GLIS3: variants seen among roughly 807,000 people sequenced by gnomAD.
GLIS3 encodes the protein GLIS family zinc finger 3, also known as zinc finger protein GLIS3.
Under a neutral mutation model 78.6 loss-of-function variants are expected in GLIS3, and 53 were observed. The ratio of observed to expected loss-of-function variants is 0.67; its 90% CI spans 0.54 to 0.85. The LOEUF is 0.85. Among genes scored for constraint, GLIS3 ranks in the 40% least tolerant of loss-of-function variants. The pLI, the probability that GLIS3 is intolerant of heterozygous loss-of-function variation, is 0.00. For missense variants in GLIS3, 1,703 were observed against 1,231.1 expected, an observed-to-expected ratio of 1.38 and a Z score of -5.74; for synonymous variants, 684 against 509.9, an observed-to-expected ratio of 1.34 and a Z score of -4.60.
At chr9:4,352,170 T>TA (rs904754499), upstream of GLIS3, among the ~76,000 whole-genome samples, 8 of 152,144 alleles carry the variant, frequency 5.3e-5, no homozygotes, top group South Asian at 2.1e-4. Flanking sequence ...CTCCTTTACA[T>TA]AAAAAAATAC....
chr9:4,157,472 G>T (rs1169138871), intron 2 of GLIS3, among the ~76,000 whole-genome samples: 1 of 152,100 alleles, frequency 6.6e-6, no homozygotes, highest in Non-Finnish European at 1.5e-5. Flanking sequence ...CTCTCTTTGG[G>T]GTGGGGAGCA....
At chr9:4,104,145 T>C (rs1187373538) in intron 4 of GLIS3, among the ~76,000 whole-genome samples, 1 of 152,092 alleles carries the variant, frequency 6.6e-6, no homozygotes, top group African/African-American at 2.4e-5. Context: ...AAAAATGGCA[T>C]CAGTCTAGAC....
the GLIS3 span, among the ~76,000 whole-genome samples, chr9:4,373,403 G>T: frequency 6.6e-6 from 1 of 152,192 alleles, no homozygotes; most frequent in Admixed American, 6.5e-5. Context: ...AGTAGGGGAT[G>T]CGGATGGGAG....
intron 4 of GLIS3, chr9:4,035,706 T>C (rs963979710): frequency 6.6e-6 from 1 of 152,150 alleles, no homozygotes; most frequent in African/African-American, 2.4e-5. Context: ...TCAGAAACTA[T>C]CCAACTTCCT....
chr9:4,206,835 A>G (rs1819924893), intron 2 of GLIS3, among the ~76,000 whole-genome samples: 1 of 152,236 alleles, frequency 6.6e-6, no homozygotes, highest in South Asian at 2.1e-4. Context: ...TCTGAGTACA[A>G]CTGAGAGATT....
At chr9:4,258,534 T>C (rs559463747) in intron 2 of GLIS3, among the ~76,000 whole-genome samples, 4 of 152,278 alleles carry the variant, frequency 2.6e-5, no homozygotes, top group South Asian at 4.1e-4. Flanking sequence ...AAAATTATCC[T>C]GAAAGAAAAA....
intron 4 of GLIS3, chr9:4,054,528 G>A: frequency 1.0e-6 from 1 of 983,348 alleles, no homozygotes; most frequent in African/African-American, 1.7e-5. Flanking sequence ...AGAGAAGGAG[G>A]CAAACACAGA....
intron 9 of GLIS3, among the ~76,000 whole-genome samples, chr9:3,838,974 G>A (rs921703839): frequency 2.0e-5 from 3 of 152,126 alleles, no homozygotes; most frequent in South Asian, 2.1e-4. Flanking sequence ...CTTTGGGGTC[G>A]CATCTACTCA....
intron 4 of GLIS3, among the ~76,000 whole-genome samples, chr9:3,948,755 T>C (rs1332602191): frequency 6.6e-6 from 1 of 152,252 alleles, no homozygotes; most frequent in Non-Finnish European, 1.5e-5. Flanking sequence ...TGTTGTTTAT[T>C]ATTTCCATAA....
chr9:4,069,236 T>C (rs1827379756), intron 4 of GLIS3, among the ~76,000 whole-genome samples: 1 of 152,174 alleles, frequency 6.6e-6, no homozygotes, highest in South Asian at 2.1e-4. Flanking sequence ...GGCTACTTTG[T>C]CTTCCAGATT....
intron 2 of GLIS3, among the ~76,000 whole-genome samples, chr9:4,238,255 C>T (rs1822961616): frequency 6.6e-6 from 1 of 151,472 alleles, no homozygotes; most frequent in African/African-American, 2.5e-5. Context: ...GAGGTGATCT[C>T]TTAATAGAAC....
intron 4 of GLIS3, among the ~76,000 whole-genome samples, chr9:3,964,648 C>A (rs1297726467): frequency 1.3e-5 from 2 of 152,172 alleles, no homozygotes; most frequent in Non-Finnish European, 2.9e-5. Context: ...CTAGAACATA[C>A]CTTGCCTGTC....
intron 2 of GLIS3, among the ~76,000 whole-genome samples, chr9:4,236,758 T>C (rs957027871): frequency 2.6e-5 from 4 of 152,202 alleles, no homozygotes; most frequent in Non-Finnish European, 4.4e-5. Context: ...AAGATTAATT[T>C]TATTAAAGTT....
upstream of GLIS3, among the ~76,000 whole-genome samples, chr9:4,302,550 T>C (rs1817118060): frequency 6.6e-6 from 1 of 152,226 alleles, no homozygotes; most frequent in African/African-American, 2.4e-5. Flanking sequence ...TGGGGACTCT[T>C]TGCATATATT....
intron 2 of GLIS3, among the ~76,000 whole-genome samples, chr9:4,195,337 C>T (rs532215311): frequency 6.6e-6 from 1 of 152,094 alleles, no homozygotes; most frequent in African/African-American, 2.4e-5. Flanking sequence ...GCACGGTGCT[C>T]GCAGGCCAGC....
chr9:3,970,253 T>C (rs1385252954), intron 4 of GLIS3, among the ~76,000 whole-genome samples: 1 of 152,220 alleles, frequency 6.6e-6, no homozygotes, highest in Non-Finnish European at 1.5e-5. Context: ...GTTTCACTGA[T>C]GCTAGTAAAG....
At chr9:3,945,754 C>CT (rs1344202567) in intron 4 of GLIS3, among the ~76,000 whole-genome samples, 1 of 152,036 alleles carries the variant, frequency 6.6e-6, no homozygotes, top group Admixed American at 6.5e-5. Flanking sequence ...ATATTTTCAA[C>CT]TTTCAGAAGT....
chr9:4,049,157 G>C (rs1384673697), intron 4 of GLIS3, among the ~76,000 whole-genome samples: 1 of 152,158 alleles, frequency 6.6e-6, no homozygotes, highest in Non-Finnish European at 1.5e-5. Flanking sequence ...AACAACAGCT[G>C]CACCTGGATA....
intron 4 of GLIS3, among the ~76,000 whole-genome samples, chr9:4,007,103 G>T (rs977793732): frequency 3.3e-5 from 5 of 152,192 alleles, no homozygotes; most frequent in African/African-American, 1.2e-4. Flanking sequence ...CTTTCTAGAA[G>T]AAAAGACTAA....
Sources: allele counts gnomAD v4.1 joint callset (sites outside exome capture counted in the v4.1 genomes callset), GRCh38; gene constraint gnomAD v4.1.1; transcripts MANE v1.5; gene names NCBI Gene and HGNC (gene_info 2026-07-23, HGNC 2026-07-21).